Variants in TRAPPC9 observed in about 807,000 individuals in gnomAD.
The protein encoded by TRAPPC9 is trafficking protein particle complex subunit 9.
Under a neutral mutation model 124.0 loss-of-function variants are expected in TRAPPC9, and 83 were observed. The ratio of observed to expected loss-of-function variants is 0.67; its 90% confidence interval spans 0.56 to 0.80. The LOEUF is 0.80. Ranked by LOEUF, TRAPPC9 falls within the 30% of genes least tolerant of loss-of-function variation. The pLI, the probability that TRAPPC9 is intolerant of heterozygous loss-of-function variation, is 0.00. For missense variants in TRAPPC9, 1,302 were observed against 1,508.3 expected, an observed-to-expected ratio of 0.86 and a Z score of 2.27; for synonymous variants, 638 against 617.5, an observed-to-expected ratio of 1.03 and a Z score of -0.49.
rs545610910 is a variant in TRAPPC9, at chr8:140,442,929, T to C, written c.585-3732A>G. Among the ~76,000 whole-genome samples, 4 of 151,006 alleles carry C rather than the reference T, an allele frequency of 2.6e-5. No homozygotes were observed. The South Asian group carries it at 8.4e-4, about 32-fold the overall frequency. ...GCAGGCGGATCACAAAGTTAAGAGA[T>C]AGAGACCATCCTGGCCAACATGGTG... On this transcript the variant is annotated intron_variant, in intron 2 of 22. Coordinates refer to ENST00000438773, the MANE Select transcript of TRAPPC9 (RefSeq NM_001160372.4).
At chr8:139,841,313 C>A (rs1826716668) in intron 21 of TRAPPC9, among the ~76,000 whole-genome samples, 1 of 152,228 alleles carries the variant, frequency 6.6e-6, no homozygotes, top group Non-Finnish European at 1.5e-5. Context: ...TTGCCTTTTG[C>A]CATGTAAGGT....
At chr8:140,137,699 C>T (rs183206907) in intron 17 of TRAPPC9, among the ~76,000 whole-genome samples, 20 of 152,334 alleles carry the variant, frequency 1.3e-4, no homozygotes, top group Non-Finnish European at 2.2e-4. Context: ...ATCTGATTCA[C>T]GCTTCAGTAT....
At chr8:140,165,141 C>T (rs1382591197) in intron 17 of TRAPPC9, among the ~76,000 whole-genome samples, 1 of 152,130 alleles carries the variant, frequency 6.6e-6, no homozygotes, top group East Asian at 1.9e-4. Flanking sequence ...TCTGGGAGGC[C>T]GAGGTGGACA....
At chr8:140,232,170 T>A (rs1332950354) in intron 16 of TRAPPC9, among the ~76,000 whole-genome samples, 1 of 152,038 alleles carries the variant, frequency 6.6e-6, no homozygotes, top group African/African-American at 2.4e-5. Flanking sequence ...ACTCCTAGGC[T>A]CAAACGATCC....
intron 15 of TRAPPC9, among the ~76,000 whole-genome samples, chr8:140,261,672 A>G (rs914318074): frequency 5.3e-5 from 8 of 152,182 alleles, no homozygotes; most frequent in African/African-American, 1.9e-4. Flanking sequence ...CTAAATTCAA[A>G]AACTATAATT....
intron 7 of TRAPPC9, among the ~76,000 whole-genome samples, chr8:140,377,632 C>G (rs2068481830): frequency 6.6e-6 from 1 of 152,152 alleles, no homozygotes; most frequent in Admixed American, 6.5e-5. Context: ...TCCATAAAAT[C>G]TAGTCCCTCC....
rs373751651 is a variant in TRAPPC9 at position 140,334,599 on chromosome 8, G to A, written c.1496-23225C>T. Among the ~76,000 whole-genome samples the A allele has an allele frequency of 1.3e-4, 20 of 152,018 alleles. No homozygotes were observed. In the East Asian group the frequency reaches 2.5e-3, roughly 19 times the overall value. Reference sequence around the variant, plus strand: ...CGGGAGGTGGAGGTTGCAGTGAGCCGAGATCGTGCCATTGTACCACAGCTT... The same window carrying A: ...CGGGAGGTGGAGGTTGCAGTGAGCCAAGATCGTGCCATTGTACCACAGCTT... On this transcript the variant is annotated intron_variant, in intron 9 of 22. Coordinates refer to ENST00000438773, the MANE Select transcript of TRAPPC9 (RefSeq NM_001160372.4).
At chr8:139,942,815 G>A (rs1410920827) in intron 19 of TRAPPC9, among the ~76,000 whole-genome samples, 5 of 152,152 alleles carry the variant, frequency 3.3e-5, no homozygotes, top group Non-Finnish European at 7.4e-5. Flanking sequence ...ACGAAAGCTC[G>A]GGGAGAGACT....
intron 5 of TRAPPC9, among the ~76,000 whole-genome samples, chr8:140,406,867 C>A (rs191222470): frequency 6.6e-6 from 1 of 152,238 alleles, no homozygotes; most frequent in Non-Finnish European, 1.5e-5. Context: ...TAGAAAAGGG[C>A]ATGCTTGGAA....
Position 140,096,527 on chromosome 8 carries a change from C to A in TRAPPC9, c.2557-72448G>T, listed in dbSNP as rs528146280. On this transcript the variant is annotated intron_variant, in intron 17 of 22. Transcript: ENST00000438773. ...AAAGAAGGTAAGAAGTAGCTGCTTC[C>A]AAATACATTTTAGAGATAGAGAAAC... 3 of 152,190 alleles carry A rather than the reference C, an allele frequency of 2.0e-5. No homozygotes were observed. In the East Asian group the frequency reaches 5.8e-4, roughly 29 times the overall value. 9.4% of individuals were successfully genotyped at this position (152,190 alleles called of 1,614,324 possible). A position where few individuals can be genotyped will look rare whatever the true frequency, so the allele number is the denominator to read the frequency against.
At chr8:140,397,328 A>C (rs2069124130) in intron 7 of TRAPPC9, among the ~76,000 whole-genome samples, 1 of 152,346 alleles carries the variant, frequency 6.6e-6, no homozygotes, top group Admixed American at 6.5e-5. Flanking sequence ...ATATCAAGAC[A>C]AGAGGCGTAA....
chr8:140,082,559 G>A (rs1017978922), intron 17 of TRAPPC9, among the ~76,000 whole-genome samples: 4 of 152,112 alleles, frequency 2.6e-5, no homozygotes, highest in Non-Finnish European at 5.9e-5. Flanking sequence ...AAAAGAAAAG[G>A]GGTAAAGGAG....
intron 21 of TRAPPC9, among the ~76,000 whole-genome samples, chr8:139,755,562 A>G (rs1333459154): frequency 8.0e-4 from 105 of 131,768 alleles, no homozygotes; most frequent in African/African-American, 3.1e-3. Flanking sequence ...AGGTCGCAGG[A>G]GGAGCCAGGG....
chr8:139,760,624 G>A (rs756342996), intron 21 of TRAPPC9, among the ~76,000 whole-genome samples: 28 of 152,296 alleles, frequency 1.8e-4, no homozygotes, highest in East Asian at 5.8e-4. Flanking sequence ...ATCACCCTCC[G>A]TATCTGACAG....
intron 8 of TRAPPC9, among the ~76,000 whole-genome samples, chr8:140,370,102 C>A (rs2068235650): frequency 6.6e-6 from 1 of 151,596 alleles, no homozygotes; most frequent in South Asian, 2.1e-4. Context: ...TGTATGTTTC[C>A]TATCTAAAAG....
chr8:140,283,333 C>T (rs1267324438), intron 14 of TRAPPC9, among the ~76,000 whole-genome samples: 3 of 113,592 alleles, frequency 2.6e-5, no homozygotes, highest in African/African-American at 7.2e-5. Context: ...CTCGCTCTGT[C>T]GCCCAGGCTG....
Position 139,732,750 on chromosome 8 carries a change from T to G in TRAPPC9, c.3056-548A>C, listed in dbSNP as rs1297840213. Among the ~76,000 whole-genome samples the G allele has an allele frequency of 5.3e-5, 8 of 152,272 alleles. No individual in the cohort carries two copies. In the East Asian group the frequency reaches 5.8e-4, roughly 11 times the overall value. On this transcript the variant is annotated intron_variant, in intron 21 of 22. Coordinates refer to ENST00000438773, the MANE Select transcript of TRAPPC9 (RefSeq NM_001160372.4). ...TCCCTATAAAGTGGCTGCACTGTGT[T>G]TTCTTCATTCTGTCAGCCTGTCCAG...
intron 9 of TRAPPC9, among the ~76,000 whole-genome samples, chr8:140,338,018 G>A (rs2067090975): frequency 1.3e-5 from 2 of 152,122 alleles, no homozygotes; most frequent in African/African-American, 4.8e-5. Flanking sequence ...GAGGGCCTCC[G>A]TATTTTATTT....
chr8:139,841,070 G>A (rs1010435023), intron 21 of TRAPPC9, among the ~76,000 whole-genome samples: 3 of 152,182 alleles, frequency 2.0e-5, no homozygotes, highest in Non-Finnish European at 2.9e-5. Flanking sequence ...TCAGGATGCT[G>A]GCAGGACCGC....
Sources: allele counts gnomAD v4.1 joint callset (sites outside exome capture counted in the v4.1 genomes callset), GRCh38; gene constraint gnomAD v4.1.1; transcripts MANE v1.5; gene names NCBI Gene and HGNC (gene_info 2026-07-23, HGNC 2026-07-21).